The following SPMIP2 variants were observed in gnomAD, a reference collection of about 807,000 sequenced individuals.
SPMIP2 encodes sperm microtubule inner protein 2.
chr4:158,990,723 T>C, the SPMIP2 span, among the ~76,000 whole-genome samples: 1 of 151,994 alleles, frequency 6.6e-6, no homozygotes, highest in Non-Finnish European at 1.5e-5. Flanking sequence ...CATCACACAT[T>C]GGGTCCCATT....
At chr4:158,926,610 T>A in the SPMIP2 span, among the ~76,000 whole-genome samples, 2 of 152,212 alleles carry the variant, frequency 1.3e-5, no homozygotes, top group Admixed American at 6.5e-5. Flanking sequence ...GAAAGTTCCA[T>A]GAGCACTTGA....
the SPMIP2 span, among the ~76,000 whole-genome samples, chr4:158,971,926 T>C: frequency 0.011 from 1,735 of 152,272 alleles, 29 homozygotes; most frequent in African/African-American, 0.039. Context: ...CTCTGAATAC[T>C]GCCATGTAGA....
the SPMIP2 span, among the ~76,000 whole-genome samples, chr4:159,080,495 A>G: frequency 6.6e-6 from 1 of 152,126 alleles, no homozygotes; most frequent in East Asian, 1.9e-4. Context: ...CTGACATTAC[A>G]GGCATGAGCC....
At chr4:158,930,949 A>G in the SPMIP2 span, among the ~76,000 whole-genome samples, 14 of 152,100 alleles carry the variant, frequency 9.2e-5, no homozygotes, top group East Asian at 1.5e-3. Context: ...GAATATATAG[A>G]TTACTGTTTT....
the SPMIP2 span, among the ~76,000 whole-genome samples, chr4:158,962,183 A>T: frequency 6.6e-6 from 1 of 152,220 alleles, no homozygotes; most frequent in Non-Finnish European, 1.5e-5. Flanking sequence ...GAGTTAAATT[A>T]ATTGCAGACA....
the SPMIP2 span, among the ~76,000 whole-genome samples, chr4:158,927,893 A>G: frequency 6.6e-6 from 1 of 151,738 alleles, no homozygotes; most frequent in Non-Finnish European, 1.5e-5. Context: ...GTCCCAGCCC[A>G]CCTGCGCTGC....
At chr4:158,963,960 C>T in the SPMIP2 span, among the ~76,000 whole-genome samples, 1,395 of 152,124 alleles carry the variant, frequency 9.2e-3, 13 homozygotes, top group African/African-American at 0.032. Flanking sequence ...TCAAGACCAT[C>T]CTGGCTGATA....
the SPMIP2 span, among the ~76,000 whole-genome samples, chr4:159,078,740 G>C: frequency 6.6e-6 from 1 of 152,234 alleles, no homozygotes; most frequent in East Asian, 1.9e-4. Flanking sequence ...TGACATTGGA[G>C]ATAGAGGTGG....
At chr4:158,991,688 A>G in the SPMIP2 span, among the ~76,000 whole-genome samples, 95,917 of 151,970 alleles carry the variant, frequency 0.63, 30,621 homozygotes, top group Middle Eastern at 0.71. Context: ...TTGATAAAGC[A>G]TAGAATTGTC....
chr4:158,960,079 G>A, the SPMIP2 span, among the ~76,000 whole-genome samples: 1 of 151,866 alleles, frequency 6.6e-6, no homozygotes, highest in African/African-American at 2.4e-5. Flanking sequence ...ACTATGTTGC[G>A]TTATTCCTTT....
chr4:158,898,820 CT>C, the SPMIP2 span, among the ~76,000 whole-genome samples: 1 of 152,146 alleles, frequency 6.6e-6, no homozygotes, highest in Non-Finnish European at 1.5e-5. Flanking sequence ...TTTGAATACG[CT>C]TTATTTCTTT....
At chr4:158,895,928 A>AACG in the SPMIP2 span, 1 of 1,246,376 alleles carries the variant, frequency 8.0e-7, no homozygotes, top group Non-Finnish European at 1.2e-6. Context: ...TGTACCCACT[A>AACG]ACGTGTTTAG....
chr4:159,002,411 T>C, the SPMIP2 span, among the ~76,000 whole-genome samples: 1 of 152,118 alleles, frequency 6.6e-6, no homozygotes, highest in African/African-American at 2.4e-5. Flanking sequence ...GTGTTACACC[T>C]AAAAATTATT....
At chr4:158,971,253 A>G in the SPMIP2 span, among the ~76,000 whole-genome samples, 2 of 152,152 alleles carry the variant, frequency 1.3e-5, no homozygotes, top group Non-Finnish European at 2.9e-5. Flanking sequence ...CAAGACAACA[A>G]AAGTTCTGGA....
At chr4:158,993,068 T>C in the SPMIP2 span, among the ~76,000 whole-genome samples, 1 of 152,040 alleles carries the variant, frequency 6.6e-6, no homozygotes, top group Non-Finnish European at 1.5e-5. Flanking sequence ...ACAAACTTCA[T>C]CTTCTGCCAA....
At chr4:159,028,950 C>G in the SPMIP2 span, among the ~76,000 whole-genome samples, 2 of 152,086 alleles carry the variant, frequency 1.3e-5, no homozygotes, top group Non-Finnish European at 2.9e-5. Flanking sequence ...CAAAAATAAG[C>G]TGGGCGTGGT....
At chr4:158,940,658 G>T in the SPMIP2 span, among the ~76,000 whole-genome samples, 1 of 148,172 alleles carries the variant, frequency 6.7e-6, no homozygotes, top group Non-Finnish European at 1.5e-5. Flanking sequence ...TGGAATTAAT[G>T]TTTCTTTCCT....
At chr4:158,899,281 T>A in the SPMIP2 span, among the ~76,000 whole-genome samples, 1 of 152,234 alleles carries the variant, frequency 6.6e-6, no homozygotes, top group African/African-American at 2.4e-5. Flanking sequence ...TGCATTGATG[T>A]TCATCAGGGA....
At chr4:158,991,875 ACT>A in the SPMIP2 span, among the ~76,000 whole-genome samples, 1 of 151,974 alleles carries the variant, frequency 6.6e-6, no homozygotes, top group African/African-American at 2.4e-5. Context: ...ATTTTATTTT[ACT>A]CTGAGGTGTA....
Sources: gnomAD v4.1 joint callset for allele counts (sites outside exome capture counted in the v4.1 genomes callset) on GRCh38, gnomAD v4.1.1 for gene constraint, MANE v1.5 for transcripts, NCBI Gene and HGNC (gene_info 2026-07-23, HGNC 2026-07-21) for gene names.